The following CELA2A variants were observed in gnomAD, a reference collection of about 807,000 sequenced individuals.
CELA2A encodes chymotrypsin like elastase 2A.
A neutral mutation model predicts 35.3 loss-of-function variants in CELA2A; 31 were observed. The observed-to-expected ratio is 0.88, with a 90% CI of 0.66 to 1.19. The LOEUF (loss-of-function observed/expected upper bound fraction) is 1.19, where lower values mean the gene tolerates loss of function less well. Ranked by LOEUF, CELA2A falls within the 50% of genes most tolerant of loss-of-function variation. CELA2A has a pLI of 0.00. For missense variants in CELA2A, 330 were observed against 352.9 expected (o/e 0.94, Z 0.52); for synonymous variants, 150 against 149.8 (o/e 1.00, Z -0.01).
intron 2 of CELA2A, 69 bp from the exon 3 acceptor site, chr1:15,461,492 G>A: frequency 6.4e-7 from 1 of 1,562,020 alleles, no homozygotes; most frequent in Non-Finnish European, 8.8e-7. Flanking sequence ...CCCCGTTCTT[G>A]GGAAACTGGA....
intron 5 of CELA2A, among the ~76,000 whole-genome samples, chr1:15,464,424 C>T (rs963064155): frequency 2.6e-5 from 4 of 151,950 alleles, no homozygotes; most frequent in African/African-American, 9.7e-5. Context: ...ACAGAGTTCC[C>T]GCCCTTCCCT....
chr1:15,456,888 C>G, intron 1 of CELA2A, 95 bp downstream of exon 1: 1 of 1,493,884 alleles, frequency 6.7e-7, no homozygotes, highest in Non-Finnish European at 9.3e-7. Flanking sequence ...CACCCAACCC[C>G]TACTGCATTC....
At chr1:15,471,664 G>A (rs561784342) in intron 7 of CELA2A, among the ~76,000 whole-genome samples, 1 of 152,082 alleles carries the variant, frequency 6.6e-6, no homozygotes, top group South Asian at 2.1e-4. Context: ...CAGCAGTTTT[G>A]ATTTAAGAAA....
chr1:15,467,939 A>T (rs1162413258), intron 7 of CELA2A, among the ~76,000 whole-genome samples: 4 of 151,936 alleles, frequency 2.6e-5, no homozygotes, highest in Admixed American at 6.6e-5. Flanking sequence ...AAATCCAAAA[A>T]AAATTAGCCA....
In CELA2A at chr1:15,472,040, G is replaced by C; in HGVS notation, c.*33G>C. The C allele has an allele frequency of 6.2e-7, 1 of 1,613,576 alleles. No homozygotes were observed. ...AAGTCCCTGGGACTGTTTCAGACTT[G>C]GAAAGGTCACAGAAGGAAAATAATA... On this transcript the variant is annotated 3_prime_UTR_variant, in exon 8 of 8. Coordinates refer to ENST00000359621, the MANE Select transcript of CELA2A (RefSeq NM_033440.3).
rs1461220170 is a variant in CELA2A at position 15,467,498 on chromosome 1, T to G, written c.752T>G (p.Val251Gly). The change falls in exon 7 of 8, where the codon GTC (valine) becomes GGC (glycine). Residue 251 changes from valine to glycine, a missense_variant. Physicochemically the swap from Val to Gly is moderately radical, Grantham distance 109. Transcript: ENST00000359621. ...TGCAACTACTACCACAAGCCCTCCGTCTTCACGCGGGTCTCCAATTACATC... is the reference window on the plus strand; with the variant it reads ...TGCAACTACTACCACAAGCCCTCCGGCTTCACGCGGGTCTCCAATTACATC... Reference protein sequence around the residue: ...LGCNYYHKPSVFTRVSNYIDW... With the variant: ...LGCNYYHKPSGFTRVSNYIDW... 1 of 1,614,140 alleles carries G rather than the reference T, an allele frequency of 6.2e-7. No individual in the cohort carries two copies. The highest frequency in any genetic ancestry group is 8.5e-7 in the Non-Finnish European group (1 of 1,180,026).
chr1:15,465,959 G>A, intron 5 of CELA2A, 40 bp from the exon 6 acceptor site: 1 of 1,610,000 alleles, frequency 6.2e-7, no homozygotes. Flanking sequence ...TTTCTCAGGA[G>A]TCCCTGCATC....
chr1:15,466,845 T>A (rs1382397327), intron 6 of CELA2A, among the ~76,000 whole-genome samples: 1 of 152,190 alleles, frequency 6.6e-6, no homozygotes, highest in Non-Finnish European at 1.5e-5. Context: ...ACGGAAACCT[T>A]CCTGGAGACA....
intron 2 of CELA2A, 170 bp downstream of exon 2, chr1:15,457,344 G>T (rs1708376208): frequency 1.5e-6 from 1 of 649,628 alleles, no homozygotes; most frequent in Non-Finnish European, 2.7e-6. Flanking sequence ...GGGCGCAGTG[G>T]CTCATGCCTG....
chr1:15,466,277 C>A (rs149617986), intron 6 of CELA2A, 133 bp downstream of exon 6: 3 of 1,171,594 alleles, frequency 2.6e-6, no homozygotes, highest in East Asian at 4.8e-5. Context: ...CCAGATATAT[C>A]TTTGGCCAGG....
rs141105892 is a variant in CELA2A at position 15,462,779 on chromosome 1, G to T, written c.274G>T (p.Val92Phe). 1.9e-6 allele frequency: 3 copies of T among 1,614,114 alleles called. No homozygotes were observed. In the East Asian group the frequency reaches 6.7e-5, roughly 36 times the overall value. ...RVGLGRHNLYVAESGSLAVSV... is the reference protein window; with the variant it reads ...RVGLGRHNLYFAESGSLAVSV... ...GGGGCTGGGCCGGCACAACCTCTAC[G>T]TTGCGGAGTCCGGCTCGCTGGCAGT... The change falls in exon 4 of 8, where the codon GTT becomes TTT. Residue 92 changes from valine to phenylalanine, a missense_variant. Val to Phe is a conservative substitution (Grantham distance 50). Transcript: ENST00000359621.
chr1:15,469,797 T>A (rs1708566607), intron 7 of CELA2A, among the ~76,000 whole-genome samples: 1 of 152,220 alleles, frequency 6.6e-6, no homozygotes, highest in South Asian at 2.1e-4. Context: ...GAGCCTGGCC[T>A]GAGACTGACT....
intron 3 of CELA2A, chr1:15,462,077 G>C (rs915634144): frequency 2.1e-6 from 1 of 477,656 alleles, no homozygotes; most frequent in African/African-American, 2.0e-5. Context: ...CACTTAGTAA[G>C]TGCTCAGTGA....
In CELA2A at chr1:15,457,069, C is replaced by G; in HGVS notation, c.41-17C>G. On this transcript the variant is annotated splice_polypyrimidine_tract_variant and intron_variant, in intron 1 of 7. Transcript: ENST00000359621. The stretch of plus-strand genomic sequence containing the variant: ...GGGTCGCTGCTTCCTGACTCAAGAC[C>G]CTTTCTCTTTTCACAGCCCTCAGTT... 1 of 1,611,824 alleles carries G rather than the reference C, an allele frequency of 6.2e-7. No individual in the cohort carries two copies. Among genetic ancestry groups the G allele is most frequent in the Non-Finnish European group, 8.5e-7 (1 of 1,177,976 alleles).
chr1:15,462,991 C>A, intron 4 of CELA2A, 130 bp downstream of exon 4: 1 of 1,362,850 alleles, frequency 7.3e-7, no homozygotes, highest in Non-Finnish European at 1.0e-6. Flanking sequence ...GGAGCTCTGG[C>A]CTCTTAGATG....
intron 7 of CELA2A, among the ~76,000 whole-genome samples, chr1:15,469,290 G>C (rs919280414): frequency 2.0e-5 from 3 of 152,142 alleles, no homozygotes; most frequent in African/African-American, 7.2e-5. Flanking sequence ...GTGCCAATGA[G>C]GGACCAGCTC....
At position 15,467,538 on chromosome 1, in the gene CELA2A, G is replaced by A. The variant is rs141124454; in HGVS notation, c.792G>A (p.Ser264=). ...CCAATTACATCGACTGGATCAATTCGGTAAGAACCGGACCAGCCCTGAGCC... is the reference window on the plus strand; with the variant it reads ...CCAATTACATCGACTGGATCAATTCAGTAAGAACCGGACCAGCCCTGAGCC... ...RVSNYIDWIN[S]VIANN is the part of the protein sequence containing the mutation. The change falls in exon 7 of 8, where the codon TCG becomes TCA. Residue 264 remains serine (S), a splice_region_variant and synonymous_variant. Transcript: ENST00000359621. 44 of 1,613,840 alleles carry A rather than the reference G, an allele frequency of 2.7e-5. No homozygotes were observed. The highest frequency in any genetic ancestry group is 1.7e-4 in the African/African-American group (13 of 74,924).
rs1708467641 is a variant in CELA2A at position 15,463,440 on chromosome 1, C to T, written c.411C>T (p.Ile137=). The T allele has an allele frequency of 6.2e-7, 1 of 1,614,038 alleles. No homozygotes were observed. Among genetic ancestry groups the T allele is most frequent in the Non-Finnish European group, 8.5e-7 (1 of 1,179,918 alleles). The change falls in exon 5 of 8, where the codon ATC becomes ATT. Residue 137 remains isoleucine, a synonymous_variant. Coordinates refer to ENST00000359621, the MANE Select transcript of CELA2A (RefSeq NM_033440.3). ...LANPVSLTDK[I]QLACLPPAGT... ...ACCCCGTCTCCCTCACCGACAAGAT[C>T]CAGCTGGCCTGCCTCCCTCCTGCCG...
intron 5 of CELA2A, 160 bp from the exon 6 acceptor site, chr1:15,465,839 C>A: frequency 2.4e-6 from 2 of 830,824 alleles, no homozygotes; most frequent in Admixed American, 2.1e-5. Context: ...GTGTTCACTG[C>A]TGAACCAATC....
Sources: allele counts gnomAD v4.1 joint callset (sites outside exome capture counted in the v4.1 genomes callset), GRCh38; gene constraint gnomAD v4.1.1; transcripts MANE v1.5; gene names NCBI Gene and HGNC (gene_info 2026-07-23, HGNC 2026-07-21).